The following SYNJ1 variants were observed in gnomAD, a reference collection of about 807,000 sequenced individuals.
SYNJ1 encodes synaptojanin 1.
SYNJ1 carries 78 observed loss-of-function variants against 168.2 expected under a neutral mutation model. That is an observed-to-expected ratio of 0.46 (90% CI 0.39 to 0.56). The LOEUF is 0.56. Among genes scored for constraint, SYNJ1 ranks in the 20% least tolerant of loss-of-function variants. The pLI is 0.00. For missense variants in SYNJ1, 1,303 were observed against 1,597.6 expected (o/e 0.82, Z 3.14); for synonymous variants, 539 against 548.6 (o/e 0.98, Z 0.24).
chr21:32,641,572 C>T (rs1569030119), intron 29 of SYNJ1, among the ~76,000 whole-genome samples: 1 of 151,872 alleles, frequency 6.6e-6, no homozygotes, highest in Non-Finnish European at 1.5e-5. Flanking sequence ...TACTTTATAT[C>T]TTCATTAATT....
In SYNJ1 at chr21:32,700,062, C is replaced by A. The variant is rs1198340069; in HGVS notation, c.255G>T (p.Met85Ile). The change falls in exon 4 of 33, where the codon ATG becomes ATT. Residue 85 changes from methionine (M) to isoleucine (I), a missense_variant. Around this residue, in one of 2 missense-constraint regions of SYNJ1, gnomAD observed 920 missense variants for 1,208.8 expected, o/e 0.76. Coordinates refer to ENST00000674351, the MANE Select transcript of SYNJ1 (RefSeq NM_203446.3). Reference sequence around the variant, plus strand: ...CAGATTCTTGAATTTTTCCAACAGACATACATCCAGTGACTAGGACCAGAT... The same window carrying A: ...CAGATTCTTGAATTTTTCCAACAGAAATACATCCAGTGACTAGGACCAGAT... ...LHYLVLVTGC[M>I]SVGKIQESEV... is the part of the protein sequence containing the mutation. 6.2e-7 allele frequency: 1 copy of A among 1,614,024 alleles called. No homozygotes were observed. Among genetic ancestry groups the A allele is most frequent in the Non-Finnish European group, 8.5e-7 (1 of 1,180,046 alleles).
chr21:32,693,573 A>C (rs1433441524), intron 6 of SYNJ1, among the ~76,000 whole-genome samples: 1 of 152,154 alleles, frequency 6.6e-6, no homozygotes, highest in Admixed American at 6.5e-5. Flanking sequence ...AACTTACTAG[A>C]CTATACATAC....
intron 21 of SYNJ1, among the ~76,000 whole-genome samples, chr21:32,655,556 C>G (rs914733508): frequency 1.3e-5 from 2 of 152,092 alleles, no homozygotes; most frequent in African/African-American, 4.8e-5. Flanking sequence ...ATTCTGTGGA[C>G]TACGCCCTTT....
At chr21:32,656,439 G>A (rs1448472536) in intron 21 of SYNJ1, among the ~76,000 whole-genome samples, 1 of 151,818 alleles carries the variant, frequency 6.6e-6, no homozygotes, top group Non-Finnish European at 1.5e-5. Context: ...GTGAGACCCT[G>A]TCTTAAAAAA....
At position 32,631,633 on chromosome 21, in the gene SYNJ1, T is replaced by C; in HGVS notation, c.*172A>G. The C allele has an allele frequency of 6.2e-7, 1 of 1,614,232 alleles. No homozygotes were observed. Among genetic ancestry groups the C allele is most frequent in the Non-Finnish European group, 8.5e-7 (1 of 1,180,038 alleles). On this transcript the variant is annotated 3_prime_UTR_variant, in exon 33 of 33. Transcript: ENST00000674351. ...ACAGAACTCAAAACATTACTTTGCG[T>C]TGCAGAAGGCAACTGAATCAACCTC...
intron 32 of SYNJ1, among the ~76,000 whole-genome samples, chr21:32,633,374 G>T (rs564083295): frequency 6.6e-6 from 1 of 152,062 alleles, no homozygotes; most frequent in Non-Finnish European, 1.5e-5. Flanking sequence ...ACAAATGATC[G>T]GATGAAGGAA....
chr21:32,716,240 T>C (rs1032051136), intron 2 of SYNJ1, among the ~76,000 whole-genome samples: 1 of 152,258 alleles, frequency 6.6e-6, no homozygotes, highest in Non-Finnish European at 1.5e-5. Context: ...TCACTTTGTA[T>C]GCTTCTTTCA....
At position 32,702,046 on chromosome 21, in the gene SYNJ1, T is replaced by A. The variant is rs1286622528; in HGVS notation, c.126A>T (p.Ser42=). 1.3e-6 allele frequency: 2 copies of A among 1,549,488 alleles called. No individual in the cohort carries two copies. The highest frequency in any genetic ancestry group is 1.8e-6 in the Non-Finnish European group (2 of 1,138,628). The change falls in exon 3 of 33, where the codon TCA becomes TCT. Residue 42 remains serine (S), a splice_region_variant and synonymous_variant. Transcript: ENST00000674351. ...CCTTGATTGCCTCTTTTTCTGCAGATGCTACAAAAAAAAGTTTTAGTTTAA... is the reference window on the plus strand; with the variant it reads ...CCTTGATTGCCTCTTTTTCTGCAGAAGCTACAAAAAAAAGTTTTAGTTTAA... ...MFESGAVAVL[S]SAEKEAIKGT...
rs112116334 is a variant in SYNJ1 at position 32,645,821 on chromosome 21, C to G, written c.3248-32G>C. ...AGCGCACAGGAGGTAAGAAGATCAGCTTCTAAGTAGCTGTTGACAGAAGGG... is the reference window on the plus strand; with the variant it reads ...AGCGCACAGGAGGTAAGAAGATCAGGTTCTAAGTAGCTGTTGACAGAAGGG... On this transcript the variant is annotated intron_variant, in intron 24 of 32. Transcript: ENST00000674351. The G allele has an allele frequency of 2.1e-4, 319 of 1,509,688 alleles. 4 individuals are homozygous for G. In the African/African-American group the frequency reaches 3.0e-3, roughly 14 times the overall value. 93.5% of individuals were successfully genotyped at this position (1,509,688 alleles called of 1,614,324 possible).
intron 22 of SYNJ1, among the ~76,000 whole-genome samples, chr21:32,651,986 G>A (rs1392759128): frequency 6.6e-6 from 1 of 152,146 alleles, no homozygotes; most frequent in Non-Finnish European, 1.5e-5. Flanking sequence ...TAATGTGTTT[G>A]TGTGTATATA....
rs1205905102 is a variant in SYNJ1 at position 32,629,180 on chromosome 21, G to A, written c.*2625C>T. On this transcript the variant is annotated 3_prime_UTR_variant, in exon 33 of 33. Transcript: ENST00000674351. The stretch of plus-strand genomic sequence containing the variant: ...AACATTGCTCACAGATCTGCAATTT[G>A]CACTAGTGAAGTTTACCTAACAATG... 3 of 152,608 alleles carry A rather than the reference G, an allele frequency of 2.0e-5. No homozygotes were observed. The highest frequency in any genetic ancestry group is 4.4e-5 in the Non-Finnish European group (3 of 68,028). 9.5% of individuals were successfully genotyped at this position (152,608 alleles called of 1,614,324 possible).
chr21:32,678,492 T>C (rs2041498377), intron 12 of SYNJ1, among the ~76,000 whole-genome samples, 153 bp downstream of exon 12: 1 of 152,204 alleles, frequency 6.6e-6, no homozygotes, highest in Non-Finnish European at 1.5e-5. Flanking sequence ...ACAGACAAAC[T>C]TCCCTTGGAG....
At position 32,639,687 on chromosome 21, in the gene SYNJ1, T is replaced by G. The variant is rs1235539974; in HGVS notation, c.3681A>C (p.Thr1227=). 1.2e-6 allele frequency: 2 copies of G among 1,614,070 alleles called. No individual in the cohort carries two copies. Among genetic ancestry groups the G allele is most frequent in the South Asian group, 2.2e-5 (2 of 91,070 alleles). ...AGGACCTACCTTTCGACGTTTCTGATGTTTTGCTTTGGCTTTCAGGAGTCA... is the reference window on the plus strand; with the variant it reads ...AGGACCTACCTTTCGACGTTTCTGAGGTTTTGCTTTGGCTTTCAGGAGTCA... ...GRLTPESQSK[T]SETSKGSTFL... Residue 1227 remains threonine (T), a synonymous_variant, in exon 30 of 33, where the codon ACA becomes ACC. Coordinates refer to ENST00000674351, the MANE Select transcript of SYNJ1 (RefSeq NM_203446.3).
At chr21:32,681,474 G>A (rs1320861417) in intron 11 of SYNJ1, 22 bp downstream of exon 11, 1 of 1,591,160 alleles carries the variant, frequency 6.3e-7, no homozygotes, top group Non-Finnish European at 8.6e-7. Context: ...ATTCTGTAAT[G>A]TTATGATAGA....
intron 2 of SYNJ1, among the ~76,000 whole-genome samples, chr21:32,724,466 CAA>C (rs1396341345): frequency 3.0e-4 from 46 of 152,260 alleles, no homozygotes; most frequent in Non-Finnish European, 2.9e-5. Flanking sequence ...CCAGCCTGGG[CAA>C]CAGAGTGAGA....
chr21:32,699,683 T>C (rs915547906), intron 4 of SYNJ1, among the ~76,000 whole-genome samples, 155 bp downstream of exon 4: 5 of 151,956 alleles, frequency 3.3e-5, no homozygotes, highest in Admixed American at 1.3e-4. Flanking sequence ...GAGGTAGAGG[T>C]CATTCTCTGT....
In SYNJ1 at chr21:32,721,611, G is replaced by A. The variant is rs777530460; in HGVS notation, c.124+5161C>T. 9.2e-5 allele frequency among the ~76,000 whole-genome samples: 14 copies of A among 152,032 alleles called. No individual in the cohort carries two copies. The East Asian group carries it at 9.7e-4, about 11-fold the overall frequency. On this transcript the variant is annotated intron_variant, in intron 2 of 32. Transcript: ENST00000674351. ...GGAGAACTCCTTGAACCCAGGAGGC[G>A]GAGGCTGTAGTGAGTCAAGATTGCA...
chr21:32,668,047 G>C (rs1181447918), intron 15 of SYNJ1, among the ~76,000 whole-genome samples: 1 of 140,464 alleles, frequency 7.1e-6, no homozygotes, highest in South Asian at 2.4e-4. Context: ...GTGTGTGTGT[G>C]TGCATGTGTG....
intron 4 of SYNJ1, among the ~76,000 whole-genome samples, chr21:32,696,999 C>T (rs544505337): frequency 6.6e-6 from 1 of 152,268 alleles, no homozygotes; most frequent in African/African-American, 2.4e-5. Flanking sequence ...CCAACCACCA[C>T]AGCTGAGACC....
Sources: allele counts gnomAD v4.1 joint callset (sites outside exome capture counted in the v4.1 genomes callset), GRCh38; gene constraint gnomAD v4.1.1; regional missense constraint gnomAD v4.1.1; transcripts MANE v1.5; gene names NCBI Gene and HGNC (gene_info 2026-07-23, HGNC 2026-07-21).